The following USP24 variants were observed in gnomAD, a reference collection of about 807,000 sequenced individuals.
USP24 encodes ubiquitin carboxyl-terminal hydrolase 24.
A neutral mutation model predicts 361.6 loss-of-function variants in USP24; 97 were observed. That is an observed-to-expected ratio of 0.27 (90% CI 0.23 to 0.32). The LOEUF (loss-of-function observed/expected upper bound fraction) is 0.32. Ranked by LOEUF, USP24 falls within the 10% of genes least tolerant of loss-of-function variation. The pLI, the probability that USP24 is intolerant of heterozygous loss-of-function variation, is 1.00. For missense variants in USP24, 2,353 were observed against 3,165.6 expected (o/e 0.74, Z 6.16); for synonymous variants, 1,098 against 1,124.6 (o/e 0.98, Z 0.47).
chr1:55,096,719 G>T, intron 49 of USP24, 97 bp from the exon 50 acceptor site: 19 of 1,480,304 alleles, frequency 1.3e-5, no homozygotes, highest in Non-Finnish European at 1.7e-5. Context: ...AATAAAGCAG[G>T]TGTTTACCAT....
In USP24 at chr1:55,071,887, T is replaced by C; in HGVS notation, c.7727A>G (p.Lys2576Arg). ...LAYATALLNE[K>R]EQSGSSNGSE... ...CCCATTACTGCTTCCTGATTGCTCTTTTTCATTCAACAAAGCTGTGGCATA... is the reference window on the plus strand; with the variant it reads ...CCCATTACTGCTTCCTGATTGCTCTCTTTCATTCAACAAAGCTGTGGCATA... Residue 2576 changes from lysine (K) to arginine (R), a missense_variant, in exon 67 of 68, where the codon AAA becomes AGA. By Grantham distance (26) the Lys-to-Arg change is conservative. Transcript: ENST00000294383. 6.2e-7 allele frequency: 1 copy of C among 1,613,066 alleles called. No individual in the cohort carries two copies. The highest frequency in any genetic ancestry group is 8.5e-7 in the Non-Finnish European group (1 of 1,179,610).
rs563180698 is a variant in USP24 at position 55,123,079 on chromosome 1, C to A, written c.4276+368G>T. 4.6e-5 allele frequency among the ~76,000 whole-genome samples: 7 copies of A among 152,192 alleles called. No individual in the cohort carries two copies. The South Asian group carries it at 8.3e-4, about 18-fold the overall frequency. Reference sequence around the variant, plus strand: ...AAAGCCAACAATAAAGATGAAAGAGCAAATCTTAAGTTACACAATTTTTAA... The same window carrying A: ...AAAGCCAACAATAAAGATGAAAGAGAAAATCTTAAGTTACACAATTTTTAA... On this transcript the variant is annotated intron_variant, in intron 36 of 67. Transcript: ENST00000294383.
At chr1:55,120,064 C>G (rs1283234555) in intron 38 of USP24, among the ~76,000 whole-genome samples, 1 of 152,178 alleles carries the variant, frequency 6.6e-6, no homozygotes, top group African/African-American at 2.4e-5. Context: ...CCCCTACCTC[C>G]TATCCTGGGA....
chr1:55,123,401 G>T, intron 36 of USP24, 46 bp downstream of exon 36: 1 of 1,463,422 alleles, frequency 6.8e-7, no homozygotes, highest in Non-Finnish European at 9.1e-7. Context: ...ACAGAAACTT[G>T]GCCTTTCCCT....
At chr1:55,111,565 A>G (rs1645955166) in intron 38 of USP24, among the ~76,000 whole-genome samples, 1 of 152,144 alleles carries the variant, frequency 6.6e-6, no homozygotes, top group African/African-American at 2.4e-5. Flanking sequence ...ATTCTAAAGT[A>G]AAAAGTATAC....
At chr1:55,207,281 GA>G (rs71822893) in intron 1 of USP24, among the ~76,000 whole-genome samples, 34,353 of 132,956 alleles carry the variant, frequency 0.26, 4,114 homozygotes, top group African/African-American at 0.32. Context: ...ATGGAAAGGG[GA>G]AAAAAAAAAA....
chr1:55,187,221 A>G (rs1644157668), intron 1 of USP24, among the ~76,000 whole-genome samples: 1 of 152,230 alleles, frequency 6.6e-6, no homozygotes, highest in South Asian at 2.1e-4. Flanking sequence ...AAAACTTCAC[A>G]AAATGTAACA....
At chr1:55,151,463 G>A (rs899377930) in intron 16 of USP24, among the ~76,000 whole-genome samples, 1 of 152,178 alleles carries the variant, frequency 6.6e-6, no homozygotes, top group Non-Finnish European at 1.5e-5. Context: ...GTCCTCATAG[G>A]GTGAAGGGGA....
At chr1:55,112,478 T>C (rs1353541032) in intron 38 of USP24, among the ~76,000 whole-genome samples, 1 of 152,236 alleles carries the variant, frequency 6.6e-6, no homozygotes, top group Non-Finnish European at 1.5e-5. Flanking sequence ...GTTGTGTCTT[T>C]GTTCTCATTG....
chr1:55,101,783 G>T, intron 42 of USP24, 80 bp from the exon 43 acceptor site: 1 of 1,434,486 alleles, frequency 7.0e-7, no homozygotes, highest in Non-Finnish European at 9.2e-7. Flanking sequence ...ATAGCTATGC[G>T]GGAGATATAT....
chr1:55,110,947 C>T (rs1645931399), intron 38 of USP24, among the ~76,000 whole-genome samples: 1 of 151,932 alleles, frequency 6.6e-6, no homozygotes, highest in African/African-American at 2.4e-5. Flanking sequence ...AGAAAAGGTT[C>T]AAGCACAAAC....
At chr1:55,071,390 C>A (rs1459746308) in intron 67 of USP24, 2 of 992,994 alleles carry the variant, frequency 2.0e-6, no homozygotes, top group South Asian at 9.2e-5. Context: ...TTCTTGGACT[C>A]CCCTGGCAAG....
intron 67 of USP24, among the ~76,000 whole-genome samples, chr1:55,070,430 GAA>G (rs1644898237): frequency 6.6e-6 from 1 of 152,218 alleles, no homozygotes; most frequent in African/African-American, 2.4e-5. Context: ...CTACGAGAGA[GAA>G]GTGTCAGGAA....
At chr1:55,094,332 GC>G (rs1276159333) in intron 51 of USP24, among the ~76,000 whole-genome samples, 1 of 151,968 alleles carries the variant, frequency 6.6e-6, no homozygotes, top group Non-Finnish European at 1.5e-5. Context: ...ATAGTGCAGG[GC>G]AAATTTAACA....
At chr1:55,074,657 A>C (rs963220678) in intron 63 of USP24, among the ~76,000 whole-genome samples, 6 of 149,940 alleles carry the variant, frequency 4.0e-5, no homozygotes, top group Admixed American at 6.6e-5. Flanking sequence ...TAAATAAATA[A>C]ATAAATAAAT....
At chr1:55,107,114 A>ATTGACC in intron 40 of USP24, 125 bp downstream of exon 40, 1 of 1,130,510 alleles carries the variant, frequency 8.8e-7, no homozygotes, top group African/African-American at 1.6e-5. Flanking sequence ...ACAATTTCCT[A>ATTGACC]CTGTGTGAAG....
intron 1 of USP24, among the ~76,000 whole-genome samples, chr1:55,183,206 A>AT: frequency 6.6e-6 from 1 of 152,222 alleles, no homozygotes; most frequent in Non-Finnish European, 1.5e-5. Flanking sequence ...ATCAATGTTA[A>AT]TTTCCTGGTT....
chr1:55,072,453 T>A, intron 65 of USP24, 50 bp from the exon 66 acceptor site: 1 of 1,456,602 alleles, frequency 6.9e-7, no homozygotes, highest in Non-Finnish European at 9.5e-7. Context: ...TAAGCCCCCA[T>A]GGGTTCACAG....
rs1458865362 is a variant in USP24 at position 55,125,455 on chromosome 1, A to G, written c.3825T>C (p.Asn1275=). 1.9e-6 allele frequency: 3 copies of G among 1,613,860 alleles called. No individual in the cohort carries two copies. In the African/African-American group the frequency reaches 4.0e-5, roughly 22 times the overall value. ...TCTGTCTGCTTGTCTGCCGGCTGAC[A>G]TTTCGGAATGGGCGGGAAGAAAGTG... The part of the protein sequence containing the change: ...IEALSSRPFR[N]VSRQTSRQMS... Residue 1275 remains asparagine, a synonymous_variant, in exon 34 of 68, where the codon AAT becomes AAC. Transcript: ENST00000294383.
Sources: gnomAD v4.1 joint callset for allele counts (sites outside exome capture counted in the v4.1 genomes callset) on GRCh38, gnomAD v4.1.1 for gene constraint, MANE v1.5 for transcripts, NCBI Gene and HGNC (gene_info 2026-07-23, HGNC 2026-07-21) for gene names.